Variants in SLC8A1 observed in about 807,000 individuals in gnomAD.
SLC8A1 encodes the protein sodium/calcium exchanger 1.
In SLC8A1, 18 loss-of-function variants were observed where a neutral mutation model predicts 68.3. That is an observed-to-expected ratio of 0.26 (90% CI 0.18 to 0.39). SLC8A1 has a LOEUF of 0.39. Among genes scored for constraint, SLC8A1 ranks in the 10% least tolerant of loss-of-function variants. SLC8A1 has a pLI of 1.00. For synonymous variants in SLC8A1, 475 were observed against 415.5 expected (o/e 1.14, Z -1.74); for missense variants, 985 against 1,156.7 (o/e 0.85, Z 2.15).
chr2:40,361,172 G>A (rs1445702508), intron 2 of SLC8A1, among the ~76,000 whole-genome samples: 1 of 152,108 alleles, frequency 6.6e-6, no homozygotes, highest in Non-Finnish European at 1.5e-5. Context: ...AGAGACCCTT[G>A]TTCATGAATG....
At chr2:40,270,010 A>G (rs2065834152) in intron 2 of SLC8A1, among the ~76,000 whole-genome samples, 1 of 152,134 alleles carries the variant, frequency 6.6e-6, no homozygotes, top group Non-Finnish European at 1.5e-5. Context: ...AAGATAATCA[A>G]AATCCCTAGT....
At chr2:40,198,086 C>G (rs1312360320) in intron 2 of SLC8A1, among the ~76,000 whole-genome samples, 1 of 151,930 alleles carries the variant, frequency 6.6e-6, no homozygotes, top group African/African-American at 2.4e-5. Context: ...CTCCAAACTT[C>G]TAGAAGGACT....
exon 8 of SLC8A1, chr2:40,103,506 C>A (rs2034020682): frequency 6.6e-6 from 1 of 152,082 alleles, no homozygotes; most frequent in Admixed American, 6.6e-5. Context: ...ATCTTTCTGC[C>A]TGGTCATTGC....
At chr2:40,438,196 T>C (rs1699802345) in intron 1 of SLC8A1, among the ~76,000 whole-genome samples, 1 of 152,156 alleles carries the variant, frequency 6.6e-6, no homozygotes, top group Non-Finnish European at 1.5e-5. Context: ...ACAATGGTAA[T>C]TCTTTCACAT....
At chr2:40,317,683 A>G (rs972056808) in intron 2 of SLC8A1, among the ~76,000 whole-genome samples, 15 of 152,074 alleles carry the variant, frequency 9.9e-5, no homozygotes, top group African/African-American at 2.9e-4. Context: ...AGCAAGCTCA[A>G]TTTGTAATTA....
chr2:40,509,848 T>A (rs889503432), intron 1 of SLC8A1, among the ~76,000 whole-genome samples: 2 of 152,006 alleles, frequency 1.3e-5, no homozygotes, highest in African/African-American at 4.8e-5. Context: ...TCTCACTCTG[T>A]CGTCCAGGCT....
intron 1 of SLC8A1, among the ~76,000 whole-genome samples, chr2:40,449,115 A>C (rs1701966307): frequency 2.0e-5 from 3 of 151,900 alleles, no homozygotes; most frequent in African/African-American, 2.4e-5. Flanking sequence ...AAGGCATCAC[A>C]AAGAAAGAAC....
intron 2 of SLC8A1, among the ~76,000 whole-genome samples, chr2:40,179,057 T>G (rs189585677): frequency 1.3e-5 from 2 of 152,306 alleles, no homozygotes; most frequent in East Asian, 3.9e-4. Flanking sequence ...TATAGTCAAG[T>G]TATTTCACCC....
At chr2:40,213,320 T>G (rs1416709364) in intron 2 of SLC8A1, 1 of 152,164 alleles carries the variant, frequency 6.6e-6, no homozygotes, top group Non-Finnish European at 1.5e-5. Flanking sequence ...TTTTCTAGAC[T>G]GGATATATTT....
chr2:40,458,753 G>T (rs553510524), intron 1 of SLC8A1, among the ~76,000 whole-genome samples: 2 of 152,228 alleles, frequency 1.3e-5, no homozygotes, highest in Non-Finnish European at 1.5e-5. Context: ...TTACTTCTAA[G>T]CTCTTATTTG....
At chr2:40,257,774 T>A (rs1332796217) in intron 2 of SLC8A1, among the ~76,000 whole-genome samples, 1 of 152,250 alleles carries the variant, frequency 6.6e-6, no homozygotes, top group Non-Finnish European at 1.5e-5. Flanking sequence ...ATTGTCCTTT[T>A]TCTAAATTTG....
chr2:40,256,672 C>A (rs1019355146), intron 2 of SLC8A1, among the ~76,000 whole-genome samples: 1 of 151,926 alleles, frequency 6.6e-6, no homozygotes, highest in African/African-American at 2.4e-5. Context: ...TAATGCTAAG[C>A]CAGGCAATGG....
chr2:40,432,399 G>C (rs1294806180), intron 1 of SLC8A1, among the ~76,000 whole-genome samples: 3 of 108,774 alleles, frequency 2.8e-5, no homozygotes, highest in African/African-American at 1.6e-4. Flanking sequence ...GAGAGTGTGA[G>C]ATTGTGTGTG....
intron 7 of SLC8A1, among the ~76,000 whole-genome samples, chr2:40,133,375 G>T (rs940885009): frequency 3.8e-5 from 4 of 105,618 alleles, no homozygotes; most frequent in Middle Eastern, 4.2e-3. Flanking sequence ...TATTAAAAAG[G>T]TTCTATATAC....
At chr2:40,511,132 A>G (rs142933138) in intron 1 of SLC8A1, among the ~76,000 whole-genome samples, 1 of 152,166 alleles carries the variant, frequency 6.6e-6, no homozygotes, top group African/African-American at 2.4e-5. Flanking sequence ...GTCACATTCA[A>G]TATTTCTCCA....
chr2:40,355,281 C>A (rs1672330915), intron 2 of SLC8A1, among the ~76,000 whole-genome samples: 1 of 152,164 alleles, frequency 6.6e-6, no homozygotes, highest in South Asian at 2.1e-4. Context: ...ATTCTGACAA[C>A]AACATGCATG....
chr2:40,214,364 T>C (rs2057112808), intron 2 of SLC8A1, among the ~76,000 whole-genome samples: 1 of 151,888 alleles, frequency 6.6e-6, no homozygotes, highest in Non-Finnish European at 1.5e-5. Context: ...CCCAAATATA[T>C]CTGCTGTCTT....
At chr2:40,391,407 T>G (rs1217824323) in intron 2 of SLC8A1, among the ~76,000 whole-genome samples, 2 of 152,022 alleles carry the variant, frequency 1.3e-5, no homozygotes, top group African/African-American at 2.4e-5. Flanking sequence ...AAATACTTTC[T>G]GGAAGCTCTA....
intron 4 of SLC8A1, among the ~76,000 whole-genome samples, chr2:40,169,526 C>G (rs1305605765): frequency 6.6e-6 from 1 of 152,126 alleles, no homozygotes; most frequent in Non-Finnish European, 1.5e-5. Flanking sequence ...CTGTCAATGT[C>G]ATTTATTTCC....
Sources: gnomAD v4.1 joint callset for allele counts (sites outside exome capture counted in the v4.1 genomes callset) on GRCh38, gnomAD v4.1.1 for gene constraint, MANE v1.5 for transcripts, NCBI Gene and HGNC (gene_info 2026-07-23, HGNC 2026-07-21) for gene names.